PLXNA4: variants seen among roughly 807,000 people sequenced by gnomAD.
PLXNA4 encodes the protein plexin-A4.
A neutral mutation model predicts 191.8 loss-of-function variants in PLXNA4; 44 were observed. The ratio of observed to expected loss-of-function variants is 0.23; its 90% CI spans 0.18 to 0.29. The LOEUF (loss-of-function observed/expected upper bound fraction) is 0.29. Ranked by LOEUF, PLXNA4 falls within the 10% of genes least tolerant of loss-of-function variation. PLXNA4 has a pLI of 1.00. For synonymous variants in PLXNA4, 1,082 were observed against 1,009.5 expected, an observed-to-expected ratio of 1.07 and a Z score of -1.36; for missense variants, 1,800 against 2,488.8, an observed-to-expected ratio of 0.72 and a Z score of 5.89.
At chr7:132,225,117 C>T (rs1798272880) in intron 8 of PLXNA4, among the ~76,000 whole-genome samples, 1 of 152,194 alleles carries the variant, frequency 6.6e-6, no homozygotes, top group Non-Finnish European at 1.5e-5. Context: ...GGCATCCACA[C>T]CTACTTTCAG....
At chr7:132,647,847 A>G (rs537618602) in intron 1 of PLXNA4, among the ~76,000 whole-genome samples, 1 of 151,510 alleles carries the variant, frequency 6.6e-6, no homozygotes, top group Non-Finnish European at 1.5e-5. Context: ...ATAAACACAC[A>G]CTATCATATA....
At chr7:132,282,926 G>A (rs1445903667) in intron 4 of PLXNA4, among the ~76,000 whole-genome samples, 1 of 151,694 alleles carries the variant, frequency 6.6e-6, no homozygotes, top group Admixed American at 6.6e-5. Context: ...ACCTAGGCTG[G>A]AGTGCAGTGG....
chr7:132,468,371 C>T (rs1049321266), intron 3 of PLXNA4, among the ~76,000 whole-genome samples: 5 of 152,056 alleles, frequency 3.3e-5, no homozygotes, highest in South Asian at 4.1e-4. Context: ...ATACATATGC[C>T]GTATGTATTC....
Position 132,211,125 on chromosome 7 carries a change from G to A in PLXNA4, c.2116C>T (p.Arg706Ter), listed in dbSNP as rs1797786925. Residue 706 changes from arginine (R) to a stop codon, truncating the protein, a stop_gained, in exon 10 of 32, where the codon CGA becomes TGA. Transcript: ENST00000321063. LOFTEE classifies it high-confidence loss of function. ...KLPEDCPQLL[R>*]VDKILVPVEV... ...ACGGGCACCAGGATCTTGTCCACTC[G>A]CAGCAGCTGGGGGCAGTCCTGGGGA... 2 of 1,561,866 alleles carry A rather than the reference G, an allele frequency of 1.3e-6. No homozygotes were observed. Among genetic ancestry groups the A allele is most frequent in the Non-Finnish European group, 1.7e-6 (2 of 1,152,688 alleles).
rs553583239 is a variant in PLXNA4 at position 132,414,290 on chromosome 7, G to C, written c.1371+75002C>G. 1.3e-3 allele frequency among the ~76,000 whole-genome samples: 196 copies of C among 152,292 alleles called. 1 individual carries two copies. The highest frequency in any genetic ancestry group is 4.5e-3 in the African/African-American group (188 of 41,544). ...TGTGCCTTCCAGGTCCTGGTTCTGGGATCCCCTCTCATCCACCAGTGAGTA... is the reference window on the plus strand; with the variant it reads ...TGTGCCTTCCAGGTCCTGGTTCTGGCATCCCCTCTCATCCACCAGTGAGTA... On this transcript the variant is annotated intron_variant, in intron 3 of 31. Coordinates refer to ENST00000321063, the MANE Select transcript of PLXNA4 (RefSeq NM_020911.2).
At chr7:132,618,440 G>A (rs899655633) in intron 2 of PLXNA4, among the ~76,000 whole-genome samples, 1 of 152,010 alleles carries the variant, frequency 6.6e-6, no homozygotes, top group Non-Finnish European at 1.5e-5. Flanking sequence ...CTGGCACTTG[G>A]TAGGTTCTTA....
intron 3 of PLXNA4, among the ~76,000 whole-genome samples, chr7:132,387,733 T>C (rs1047313899): frequency 6.6e-6 from 1 of 152,128 alleles, no homozygotes; most frequent in Non-Finnish European, 1.5e-5. Context: ...GACAACTTGA[T>C]TCTGTAATGG....
chr7:132,631,758 A>G (rs1054674866), intron 2 of PLXNA4, among the ~76,000 whole-genome samples: 1 of 152,198 alleles, frequency 6.6e-6, no homozygotes, highest in Non-Finnish European at 1.5e-5. Context: ...GGATGATTAA[A>G]TCTATGCTAC....
At chr7:132,567,807 A>C (rs1055217587) in intron 1 of PLXNA4, among the ~76,000 whole-genome samples, 1 of 152,194 alleles carries the variant, frequency 6.6e-6, no homozygotes, top group Non-Finnish European at 1.5e-5. Context: ...ATTAAAAAGC[A>C]TGAATTGAGT....
intron 3 of PLXNA4, among the ~76,000 whole-genome samples, chr7:132,320,373 G>T (rs75135920): frequency 0.015 from 2,242 of 152,200 alleles, 68 homozygotes; most frequent in African/African-American, 0.052. Context: ...CACATGGCCC[G>T]GGTCTCTCTG....
chr7:132,312,655 G>A (rs149821105), intron 3 of PLXNA4, among the ~76,000 whole-genome samples: 1 of 152,264 alleles, frequency 6.6e-6, no homozygotes, highest in Non-Finnish European at 1.5e-5. Context: ...GGGTTCCAGA[G>A]GCCATTAACA....
At chr7:132,203,124 A>G (rs1440814836) in intron 11 of PLXNA4, among the ~76,000 whole-genome samples, 199 bp downstream of exon 11, 1 of 152,188 alleles carries the variant, frequency 6.6e-6, no homozygotes, top group African/African-American at 2.4e-5. Flanking sequence ...AGCCCAGGTC[A>G]AGCTCTACAG....
At chr7:132,135,992 G>C (rs78560809) in intron 30 of PLXNA4, among the ~76,000 whole-genome samples, 2,190 of 152,176 alleles carry the variant, frequency 0.014, 28 homozygotes, top group Non-Finnish European at 0.02. Flanking sequence ...AGTGTCTGTG[G>C]GTGTGGGGCT....
chr7:132,216,650 A>G (rs1301551973), intron 9 of PLXNA4, among the ~76,000 whole-genome samples: 1 of 152,196 alleles, frequency 6.6e-6, no homozygotes, highest in East Asian at 1.9e-4. Context: ...TCCATGTGCT[A>G]TATTGTTTCA....
At chr7:132,196,279 C>G (rs543052826) in intron 13 of PLXNA4, among the ~76,000 whole-genome samples, 1 of 152,376 alleles carries the variant, frequency 6.6e-6, no homozygotes, top group Non-Finnish European at 1.5e-5. Flanking sequence ...CCATGCCACG[C>G]TGCCTTGCAC....
At chr7:132,398,985 C>T (rs946309601) in intron 3 of PLXNA4, among the ~76,000 whole-genome samples, 3 of 152,306 alleles carry the variant, frequency 2.0e-5, no homozygotes, top group African/African-American at 4.8e-5. Flanking sequence ...TCAGCTGGCC[C>T]TGGCACCAGG....
At chr7:132,187,891 A>C (rs567595973) in intron 14 of PLXNA4, among the ~76,000 whole-genome samples, 1 of 152,224 alleles carries the variant, frequency 6.6e-6, no homozygotes, top group Admixed American at 6.5e-5. Flanking sequence ...ATGTATGTGT[A>C]TATATCCCTA....
At chr7:132,512,117 A>G (rs1323229580) in intron 1 of PLXNA4, among the ~76,000 whole-genome samples, 1 of 152,258 alleles carries the variant, frequency 6.6e-6, no homozygotes, top group African/African-American at 2.4e-5. Context: ...CGTCTCTGCC[A>G]ACAACCAAAT....
rs150054930 is a variant in PLXNA4 at position 132,241,522 on chromosome 7, T to C, written c.1504-356A>G. On this transcript the variant is annotated intron_variant, in intron 4 of 31. Transcript: ENST00000321063. ...AATGGCCAATTCATCATGTATTTGT[T>C]TCCTATCAATGTAACAAGTGCAAAT... Among the ~76,000 whole-genome samples the C allele has an allele frequency of 1.3e-3, 198 of 152,330 alleles. 3 individuals carry two copies. The East Asian group carries it at 0.013, about 10-fold the overall frequency.
Sources: gnomAD v4.1 joint callset for allele counts (sites outside exome capture counted in the v4.1 genomes callset) on GRCh38, gnomAD v4.1.1 for gene constraint, MANE v1.5 for transcripts, NCBI Gene and HGNC (gene_info 2026-07-23, HGNC 2026-07-21) for gene names.